Variants in MACROD2 observed in about 807,000 individuals in gnomAD.
The protein encoded by MACROD2 is ADP-ribose glycohydrolase MACROD2.
MACROD2 carries 36 observed loss-of-function variants against 70.4 expected under a neutral mutation model. The ratio of observed to expected loss-of-function variants is 0.51; its 90% CI spans 0.39 to 0.68. MACROD2 has a LOEUF of 0.68. Among genes scored for constraint, MACROD2 ranks in the 30% least tolerant of loss-of-function variants. MACROD2 has a pLI of 0.00. For missense variants in MACROD2, 496 were observed against 538.4 expected (o/e 0.92, Z 0.78); for synonymous variants, 172 against 178.8 (o/e 0.96, Z 0.30).
intron 4 of MACROD2, among the ~76,000 whole-genome samples, chr20:14,562,032 T>C (rs2123293738): frequency 6.6e-6 from 1 of 152,032 alleles, no homozygotes; most frequent in East Asian, 1.9e-4. Flanking sequence ...AATTTACTGA[T>C]TCAACAGGAG....
intron 8 of MACROD2, among the ~76,000 whole-genome samples, chr20:15,842,889 G>C (rs931113718): frequency 2.6e-5 from 4 of 152,176 alleles, no homozygotes; most frequent in Non-Finnish European, 4.4e-5. Flanking sequence ...TAGTTGATAA[G>C]CTAGGTGATT....
intron 3 of MACROD2, among the ~76,000 whole-genome samples, chr20:14,141,747 GAAAAAAA>G (rs3043659): frequency 2.7e-4 from 18 of 66,860 alleles, no homozygotes; most frequent in African/African-American, 8.5e-4. Context: ...CTCCATCTCA[GAAAAAAA>G]AAAAAAAAAA....
chr20:15,764,964 T>C (rs193109428), intron 8 of MACROD2, among the ~76,000 whole-genome samples: 1 of 152,282 alleles, frequency 6.6e-6, no homozygotes, highest in Admixed American at 6.5e-5. Flanking sequence ...GTCCCATGCT[T>C]GTGTCCACCT....
intron 6 of MACROD2, among the ~76,000 whole-genome samples, chr20:15,412,973 T>A (rs536390910): frequency 6.6e-5 from 10 of 152,324 alleles, no homozygotes; most frequent in African/African-American, 2.4e-4. Context: ...AAAATATGCC[T>A]TACCATAAGT....
At chr20:14,167,989 G>A (rs748895717) in intron 3 of MACROD2, among the ~76,000 whole-genome samples, 14 of 151,930 alleles carry the variant, frequency 9.2e-5, no homozygotes, top group African/African-American at 1.5e-4. Context: ...AAGTTGAGTG[G>A]GCCCTATTTG....
intron 2 of MACROD2, among the ~76,000 whole-genome samples, chr20:14,031,044 C>G (rs1307533902): frequency 4.6e-5 from 7 of 152,152 alleles, no homozygotes; most frequent in Non-Finnish European, 8.8e-5. Flanking sequence ...GTTAACACTC[C>G]TAATTTAGTT....
chr20:14,256,887 C>T (rs950769994), intron 3 of MACROD2, among the ~76,000 whole-genome samples: 6 of 152,056 alleles, frequency 3.9e-5, no homozygotes, highest in African/African-American at 1.4e-4. Context: ...TCTCTGATGG[C>T]TTCTAATAAT....
chr20:15,863,224 C>T lies in MACROD2; in HGVS notation c.727+398C>T, dbSNP rs548509370. On this transcript the variant is annotated intron_variant, in intron 9 of 17. Transcript: ENST00000684519. ...ATACCATTGTTGGAAATTGTAAGCC[C>T]ATTTATATTCATAGTCAGAATTCAA... Among the ~76,000 whole-genome samples, 8 of 152,184 alleles carry T rather than the reference C, an allele frequency of 5.3e-5. No homozygotes were observed. In the South Asian group the frequency reaches 1.2e-3, roughly 24 times the overall value.
chr20:15,990,855 AACTCAAAATTGCAATTAT>A (rs2066548338), intron 15 of MACROD2, among the ~76,000 whole-genome samples: 1 of 152,154 alleles, frequency 6.6e-6, no homozygotes, highest in Non-Finnish European at 1.5e-5. Context: ...GAGGGGCATG[AACTCAAAATTGCAATTAT>A]AAGGTTCTCC....
intron 8 of MACROD2, among the ~76,000 whole-genome samples, chr20:15,781,178 C>T (rs2051824730): frequency 6.6e-6 from 1 of 152,110 alleles, no homozygotes; most frequent in Non-Finnish European, 1.5e-5. Flanking sequence ...AATGTGGAGA[C>T]ACAGAGAGCA....
intron 6 of MACROD2, among the ~76,000 whole-genome samples, chr20:15,363,844 G>C (rs1282381325): frequency 6.6e-6 from 1 of 152,090 alleles, no homozygotes; most frequent in Non-Finnish European, 1.5e-5. Flanking sequence ...ACGGCTTCAC[G>C]ATCCCATATA....
chr20:14,727,862 ATTATTATTACTT>A, intron 5 of MACROD2, among the ~76,000 whole-genome samples: 1 of 152,230 alleles, frequency 6.6e-6, no homozygotes, highest in Non-Finnish European at 1.5e-5. Flanking sequence ...ACTCTGAGAT[ATTATTATTACTT>A]TTCCTGGCTA....
chr20:14,143,209 T>C (rs996053415), intron 3 of MACROD2, among the ~76,000 whole-genome samples: 9 of 152,220 alleles, frequency 5.9e-5, no homozygotes, highest in African/African-American at 2.2e-4. Context: ...AATCTGTAGT[T>C]TTCCTTGAAA....
intron 5 of MACROD2, among the ~76,000 whole-genome samples, chr20:15,093,597 T>C (rs901719993): frequency 1.3e-5 from 2 of 152,156 alleles, no homozygotes; most frequent in African/African-American, 4.8e-5. Context: ...GAGATTAGTA[T>C]TTATTTATTT....
At chr20:15,074,798 G>C (rs1478361291) in intron 5 of MACROD2, among the ~76,000 whole-genome samples, 1 of 152,162 alleles carries the variant, frequency 6.6e-6, no homozygotes, top group African/African-American at 2.4e-5. Context: ...GGTGGGTAGA[G>C]AATAGAAAAC....
intron 4 of MACROD2, among the ~76,000 whole-genome samples, chr20:14,627,359 C>T (rs183604817): frequency 3.9e-5 from 6 of 152,220 alleles, no homozygotes; most frequent in Admixed American, 1.3e-4. Context: ...AATGACTGGG[C>T]GATGTAGGAG....
chr20:14,044,557 A>T (rs576412226), intron 2 of MACROD2, among the ~76,000 whole-genome samples: 2 of 152,218 alleles, frequency 1.3e-5, no homozygotes, highest in East Asian at 3.9e-4. Flanking sequence ...GTCCGTTTTG[A>T]CAGGGTGCTG....
At chr20:14,238,979 A>G (rs916737265) in intron 3 of MACROD2, among the ~76,000 whole-genome samples, 1 of 141,408 alleles carries the variant, frequency 7.1e-6, no homozygotes, top group African/African-American at 2.6e-5. Context: ...GTGAGCCAAG[A>G]TTGCGCCACT....
intron 5 of MACROD2, among the ~76,000 whole-genome samples, chr20:14,896,281 C>T (rs916469662): frequency 4.0e-5 from 6 of 151,426 alleles, no homozygotes; most frequent in East Asian, 1.9e-4. Flanking sequence ...GGCGACAGAG[C>T]GCAACTCTAT....
Sources: gnomAD v4.1 joint callset for allele counts (sites outside exome capture counted in the v4.1 genomes callset) on GRCh38, gnomAD v4.1.1 for gene constraint, MANE v1.5 for transcripts, NCBI Gene and HGNC (gene_info 2026-07-23, HGNC 2026-07-21) for gene names.